The following NBPF9 variants were observed in gnomAD, a reference collection of about 807,000 sequenced individuals.
NBPF9 encodes the protein NBPF member 9.
A neutral mutation model predicts 97.8 loss-of-function variants in NBPF9; 91 were observed. The ratio of observed to expected loss-of-function variants is 0.93; its 90% CI spans 0.79 to 1.11. The LOEUF (loss-of-function observed/expected upper bound fraction) is 1.11. NBPF9 is among the 50% of genes least tolerant of loss of function. The probability of loss-of-function intolerance (pLI) is 0.00; values close to 1 mark genes in which losing one functional copy is unlikely to be tolerated. For missense variants in NBPF9, 992 were observed against 939.5 expected (o/e 1.06, Z -0.73); for synonymous variants, 334 against 359.5 (o/e 0.93, Z 0.80).
chr1:149,093,457 G>A (rs1349075600), intron 4 of NBPF9, among the ~76,000 whole-genome samples: 3 of 151,814 alleles, frequency 2.0e-5, no homozygotes, highest in Non-Finnish European at 4.4e-5. Context: ...GGACAGTCAG[G>A]TCTTTCCCTT....
chr1:149,082,312 A>G (rs587707201), exon 6 of NBPF9: 1 of 1,550,034 alleles, frequency 6.5e-7, no homozygotes, highest in African/African-American at 1.4e-5. Flanking sequence ...ACAGCACTTT[A>G]GGATCCTTCA....
At position 149,079,234 on chromosome 1, in the gene NBPF9, G is replaced by T; in HGVS notation, c.279-13C>A. The T allele has an allele frequency of 2.5e-6, 2 of 797,102 alleles. No individual in the cohort carries two copies. The highest frequency in any genetic ancestry group is 3.5e-4 in the Middle Eastern group (1 of 2,856). 49.4% of individuals were successfully genotyped at this position (797,102 alleles called of 1,614,324 possible). A position where few individuals can be genotyped will look rare whatever the true frequency, so the allele number is the denominator to read the frequency against. ...GACTTTATATTGCCTAAGGTGAGAC[G>T]GTAGAGAAAATTTAAGAGTAGAAAG... On this transcript the variant is annotated splice_polypyrimidine_tract_variant and intron_variant, in intron 8 of 29. Transcript: ENST00000584027.
chr1:149,102,573 A>G (rs2082216130), intron 2 of NBPF9, among the ~76,000 whole-genome samples, 156 bp downstream of exon 2: 1 of 147,964 alleles, frequency 6.8e-6, no homozygotes, highest in African/African-American at 2.5e-5. Context: ...TAGCAGCAAA[A>G]GATAGGAGGA....
At chr1:149,055,491 TG>T in exon 30 of NBPF9, 1 of 1,490,912 alleles carries the variant, frequency 6.7e-7, no homozygotes, top group Non-Finnish European at 9.0e-7. Context: ...GTCTTCAGAC[TG>T]AGCACAGGTT....
chr1:149,074,191 G>A (rs1292284398), intron 12 of NBPF9, among the ~76,000 whole-genome samples: 1 of 151,464 alleles, frequency 6.6e-6, no homozygotes, highest in Non-Finnish European at 1.5e-5. Flanking sequence ...AAGCTTTGCA[G>A]CCTCTCCTCT....
chr1:149,101,896 TC>T, intron 2 of NBPF9, among the ~76,000 whole-genome samples: 1 of 148,968 alleles, frequency 6.7e-6, no homozygotes, highest in African/African-American at 2.5e-5. Context: ...CTGTGGTGGT[TC>T]ACTTGGTAAA....
chr1:149,071,062 T>C (rs1553652834), exon 16 of NBPF9: 22 of 1,611,212 alleles, frequency 1.4e-5, no homozygotes, highest in Non-Finnish European at 1.8e-5. Context: ...ATAAGGGCCA[T>C]GGCTATTTGA....
chr1:149,072,664 G>A, intron 14 of NBPF9, 54 bp downstream of exon 14: 6 of 1,572,050 alleles, frequency 3.8e-6, no homozygotes, highest in South Asian at 3.3e-5. Flanking sequence ...ATGGAGGTCT[G>A]GAGCCTCTCA....
At chr1:149,103,263 G>A (rs1306678422) in intron 1 of NBPF9, 38 bp downstream of exon 1, 19 of 147,404 alleles carry the variant, frequency 1.3e-4, no homozygotes, top group Admixed American at 8.1e-4. Flanking sequence ...CGCGGGTCCC[G>A]GACTCACCGC....
intron 9 of NBPF9, 141 bp from the exon 10 acceptor site, chr1:149,078,096 T>A: frequency 2.7e-6 from 2 of 746,818 alleles, no homozygotes; most frequent in Non-Finnish European, 4.3e-6. Context: ...TTTCACAAAA[T>A]GCCCTGGCAT....
At chr1:149,070,317 T>A (rs587722387) in intron 16 of NBPF9, among the ~76,000 whole-genome samples, 1 of 63,346 alleles carries the variant, frequency 1.6e-5, no homozygotes, top group East Asian at 7.7e-4. Context: ...CAAGACTCCA[T>A]CGCAAAAAAA....
rs782188984 is a variant in NBPF9, at chr1:149,077,373, C to G, written c.613G>C (p.Glu205Gln). Residue 205 changes from glutamate to glutamine, a missense_variant, in exon 11 of 30, where the codon GAG becomes CAG. Glu to Gln is a conservative substitution (Grantham distance 29). Coordinates refer to ENST00000584027, the Ensembl canonical transcript of NBPF9. ...TTTGAACAAGTGATGGCACATTCCT[C>G]CAGTGAGTCCTCAGCGACTTTGCTC... The G allele has an allele frequency of 8.1e-6, 13 of 1,609,900 alleles. 1 individual carries two copies. The highest frequency in any genetic ancestry group is 1.8e-4 in the Middle Eastern group (1 of 5,446).
chr1:149,068,411 A>C (rs1553652242), intron 17 of NBPF9, among the ~76,000 whole-genome samples: 2 of 150,536 alleles, frequency 1.3e-5, no homozygotes, highest in Admixed American at 1.3e-4. Flanking sequence ...ACATAGGCTC[A>C]AAATAAAGGG....
intron 4 of NBPF9, among the ~76,000 whole-genome samples, chr1:149,098,100 T>A (rs1257862477): frequency 1.5e-5 from 2 of 136,690 alleles, no homozygotes; most frequent in East Asian, 4.4e-4. Context: ...GACGGCAGGG[T>A]GGAAACAAGA....
At chr1:149,062,652 G>A (rs1326040875) in intron 21 of NBPF9, among the ~76,000 whole-genome samples, 3 of 148,616 alleles carry the variant, frequency 2.0e-5, no homozygotes, top group Admixed American at 1.4e-4. Flanking sequence ...AGCCTTTGAG[G>A]TATGGTCAAC....
At chr1:149,095,447 G>GA (rs1203123832) in intron 4 of NBPF9, among the ~76,000 whole-genome samples, 2 of 131,634 alleles carry the variant, frequency 1.5e-5, no homozygotes, top group Admixed American at 7.5e-5. Context: ...ATCTACTAAT[G>GA]AAAAAAAAAT....
At chr1:149,074,958 C>T (rs1485695305) in intron 12 of NBPF9, among the ~76,000 whole-genome samples, 2 of 151,172 alleles carry the variant, frequency 1.3e-5, no homozygotes, top group Admixed American at 6.6e-5. Context: ...ATTACAGTCA[C>T]CTGCCACCAC....
intron 12 of NBPF9, 30 bp downstream of exon 12, chr1:149,075,625 C>G (rs782335664): frequency 2.5e-6 from 4 of 1,600,824 alleles, no homozygotes; most frequent in South Asian, 2.2e-5. Flanking sequence ...TCGTTCATCA[C>G]TTTCGTGATG....
intron 4 of NBPF9, among the ~76,000 whole-genome samples, chr1:149,097,076 G>T (rs587720911): frequency 7.3e-6 from 1 of 136,070 alleles, no homozygotes; most frequent in South Asian, 2.4e-4. Flanking sequence ...GAAGGAGGAA[G>T]GGAGGAAGGA....
Sources: allele counts gnomAD v4.1 joint callset (sites outside exome capture counted in the v4.1 genomes callset), GRCh38; gene constraint gnomAD v4.1.1; transcripts MANE v1.5; gene names NCBI Gene and HGNC (gene_info 2026-07-23, HGNC 2026-07-21).